The following PDGFRA variants were observed in gnomAD, a reference collection of about 807,000 sequenced individuals.
PDGFRA encodes the protein platelet derived growth factor receptor alpha, also known as platelet-derived growth factor receptor alpha.
PDGFRA carries 25 observed loss-of-function variants against 121.5 expected under a neutral mutation model. That is an observed-to-expected ratio of 0.21 (90% CI 0.15 to 0.29). The LOEUF is 0.29. Ranked by LOEUF, PDGFRA falls within the 10% of genes least tolerant of loss-of-function variation. PDGFRA has a pLI of 1.00. For missense variants in PDGFRA, 1,008 were observed against 1,345.1 expected, an observed-to-expected ratio of 0.75 and a Z score of 3.92; for synonymous variants, 463 against 494.8, an observed-to-expected ratio of 0.94 and a Z score of 0.85.
At chr4:54,264,149 C>A (rs1211593297) in intron 4 of PDGFRA, 1 of 585,520 alleles carries the variant, frequency 1.7e-6, no homozygotes, top group Non-Finnish European at 3.0e-6. Context: ...CATGTTTCAT[C>A]AGTTGACTTC....
chr4:54,241,990 C>G (rs1273801006), intron 1 of PDGFRA, among the ~76,000 whole-genome samples: 2 of 152,174 alleles, frequency 1.3e-5, no homozygotes, highest in African/African-American at 2.4e-5. Context: ...CCTTTGAAGG[C>G]CTCTCAGATT....
intron 1 of PDGFRA, among the ~76,000 whole-genome samples, chr4:54,235,235 C>G (rs1393455029): frequency 1.3e-5 from 2 of 152,186 alleles, no homozygotes; most frequent in East Asian, 3.8e-4. Flanking sequence ...GCTTTTGGGG[C>G]TGTGAGAGAG....
chr4:54,289,248 T>C, intron 21 of PDGFRA, 134 bp downstream of exon 21: 2 of 708,574 alleles, frequency 2.8e-6, no homozygotes, highest in South Asian at 3.0e-5. Flanking sequence ...CTGGGCTTCA[T>C]GGCGGTGCTC....
chr4:54,286,078 A>G, intron 18 of PDGFRA, 115 bp downstream of exon 18: 3 of 1,079,944 alleles, frequency 2.8e-6, no homozygotes, highest in Non-Finnish European at 4.2e-6. Context: ...ATAGATTTCA[A>G]GGGGTCAGTA....
At chr4:54,288,019 T>C (rs907807946) in intron 19 of PDGFRA, among the ~76,000 whole-genome samples, 4 of 152,120 alleles carry the variant, frequency 2.6e-5, no homozygotes, top group Non-Finnish European at 5.9e-5. Flanking sequence ...ACAACCCAGG[T>C]GCCCTGGGCT....
At chr4:54,250,669 C>G (rs1477207686) in intron 1 of PDGFRA, among the ~76,000 whole-genome samples, 1 of 152,188 alleles carries the variant, frequency 6.6e-6, no homozygotes, top group African/African-American at 2.4e-5. Flanking sequence ...TTTTGTCACC[C>G]ACAGACAATT....
At chr4:54,272,756 G>A (rs1456278657) in intron 9 of PDGFRA, among the ~76,000 whole-genome samples, 1 of 152,146 alleles carries the variant, frequency 6.6e-6, no homozygotes, top group Non-Finnish European at 1.5e-5. Context: ...ACTGTTCTAA[G>A]AAGATTTTTA....
intron 1 of PDGFRA, 83 bp from the exon 2 acceptor site, chr4:54,258,674 G>C: frequency 1.2e-6 from 1 of 865,640 alleles, no homozygotes; most frequent in Non-Finnish European, 2.0e-6. Context: ...AATATTTTCT[G>C]TTGTGCAAAA....
chr4:54,236,120 G>A (rs1317292218), intron 1 of PDGFRA, among the ~76,000 whole-genome samples: 1 of 152,234 alleles, frequency 6.6e-6, no homozygotes, highest in Non-Finnish European at 1.5e-5. Context: ...GAGAATGGGG[G>A]CTGAAGTTCA....
rs1722894702 is a variant in PDGFRA at position 54,263,899 on chromosome 4, C to T, written c.600C>T (p.Thr200=). 1 of 1,613,822 alleles carries T rather than the reference C, an allele frequency of 6.2e-7. No homozygotes were observed. Among genetic ancestry groups the T allele is most frequent in the African/African-American group, 1.3e-5 (1 of 74,896 alleles). ...EATVKGKKFQ[T]IPFNVYALKA... Reference sequence around the variant, plus strand: ...CCGTCAAAGGAAAGAAGTTCCAGACCATCCCATTTAATGTTTATGCTTTAA... The same window carrying T: ...CCGTCAAAGGAAAGAAGTTCCAGACTATCCCATTTAATGTTTATGCTTTAA... Residue 200 remains threonine, a synonymous_variant, in exon 4 of 23, where the codon ACC becomes ACT. Coordinates refer to ENST00000257290, the MANE Select transcript of PDGFRA (RefSeq NM_006206.6).
intron 1 of PDGFRA, among the ~76,000 whole-genome samples, chr4:54,252,322 T>C (rs751000642): frequency 1.3e-5 from 2 of 152,248 alleles, no homozygotes; most frequent in Non-Finnish European, 2.9e-5. Context: ...GTGGAATATA[T>C]TGCTGTTGTC....
intron 16 of PDGFRA, chr4:54,280,711 T>C (rs1724031255): frequency 5.3e-6 from 2 of 378,800 alleles, no homozygotes; most frequent in South Asian, 1.0e-4. Flanking sequence ...ACTTTAAATT[T>C]AATAGTTTTA....
intron 1 of PDGFRA, among the ~76,000 whole-genome samples, chr4:54,239,743 G>T (rs982031677): frequency 6.6e-6 from 1 of 152,216 alleles, no homozygotes; most frequent in African/African-American, 2.4e-5. Context: ...GGGTGCCCCA[G>T]ATGGGAGCAC....
Position 54,267,599 on chromosome 4 carries a change from G to A in PDGFRA, c.979G>A (p.Val327Ile), listed in dbSNP as rs748576202. 6.2e-7 allele frequency: 1 copy of A among 1,614,196 alleles called. No individual in the cohort carries two copies. Among genetic ancestry groups the A allele is most frequent in the Non-Finnish European group, 8.5e-7 (1 of 1,180,042 alleles). Residue 327 changes from valine (V) to isoleucine (I), a missense_variant, in exon 7 of 23, where the codon GTC becomes ATC. Val to Ile is a conservative substitution (Grantham distance 29). This residue lies in a region of PDGFRA where 575 missense variants were observed against 701.8 expected (regional missense o/e 0.82). Transcript: ENST00000257290. ...IKPTFSQLEA[V>I]NLHEVKHFVV... ...ACCCACCTTCAGCCAGTTGGAAGCT[G>A]TCAACCTGCATGAAGTCAAACATTT...
intron 7 of PDGFRA, among the ~76,000 whole-genome samples, chr4:54,269,037 T>C (rs1723187897): frequency 6.6e-6 from 1 of 151,878 alleles, no homozygotes; most frequent in Non-Finnish European, 1.5e-5. Context: ...TTCCTGGAGC[T>C]TAAAACTCCA....
rs201423707 is a variant in PDGFRA at position 54,290,570 on chromosome 4, G to T, written c.3122+16G>T. On this transcript the variant is annotated intron_variant, in intron 22 of 22. Transcript: ENST00000257290. ...ACAGACACAGGTAGCTGTGGGGGCAGCCTCGGTGTCTCACCTTTCCCCTCC... is the reference window on the plus strand; with the variant it reads ...ACAGACACAGGTAGCTGTGGGGGCATCCTCGGTGTCTCACCTTTCCCCTCC... The T allele has an allele frequency of 5.0e-6, 8 of 1,613,930 alleles. No individual in the cohort carries two copies. The highest frequency in any genetic ancestry group is 6.8e-6 in the Non-Finnish European group (8 of 1,179,994).
At chr4:54,262,255 G>C (rs1173499267) in intron 3 of PDGFRA, among the ~76,000 whole-genome samples, 3 of 151,926 alleles carry the variant, frequency 2.0e-5, no homozygotes, top group Non-Finnish European at 2.9e-5. Flanking sequence ...TGTAGAGATA[G>C]GGTTTCACTG....
rs1723885889 is a variant in PDGFRA at position 54,278,527 on chromosome 4, G to C, written c.2156+12G>C. 1.2e-6 allele frequency: 2 copies of C among 1,612,606 alleles called. No individual in the cohort carries two copies. The highest frequency in any genetic ancestry group is 1.1e-5 in the South Asian group (1 of 91,040). On this transcript the variant is annotated intron_variant, in intron 15 of 22. Transcript: ENST00000257290. ...GAAAGCACACGGAGGTGGGTGCAAA[G>C]AGAGATGTTGCTGTCTATCATTATC... is the stretch of plus-strand genomic sequence containing the variant.
At position 54,264,922 on chromosome 4, in the gene PDGFRA, C is replaced by T. The variant is rs1560470251; in HGVS notation, c.632C>T (p.Thr211Ile). 1.9e-6 allele frequency: 3 copies of T among 1,608,752 alleles called. No individual in the cohort carries two copies. Among genetic ancestry groups the T allele is most frequent in the South Asian group, 2.2e-5 (2 of 91,004 alleles). ...IPFNVYALKA[T>I]SELDLEMEAL... The stretch of plus-strand genomic sequence containing the variant: ...TTGTATTTGTTCTTTTTTATAGCAA[C>T]ATCAGAGCTGGATCTAGAAATGGAA... The change falls in exon 5 of 23, where the codon ACA becomes ATA. Residue 211 changes from threonine to isoleucine, a missense_variant. Physicochemically the swap from Thr to Ile is moderately conservative, Grantham distance 89 (BLOSUM62 -1). Transcript: ENST00000257290.
Sources: allele counts gnomAD v4.1 joint callset (sites outside exome capture counted in the v4.1 genomes callset), GRCh38; gene constraint gnomAD v4.1.1; regional missense constraint gnomAD v4.1.1; transcripts MANE v1.5; gene names NCBI Gene and HGNC (gene_info 2026-07-23, HGNC 2026-07-21).